Variants in TTLL5 observed in about 807,000 individuals in gnomAD.
TTLL5 encodes tubulin polyglutamylase TTLL5.
TTLL5 carries 132 observed loss-of-function variants against 168.4 expected under a neutral mutation model. That is an observed-to-expected ratio of 0.78 (90% CI 0.68 to 0.91). The LOEUF is 0.91. Among genes scored for constraint, TTLL5 ranks in the 40% least tolerant of loss-of-function variants. TTLL5 has a pLI of 0.00. For synonymous variants in TTLL5, 546 were observed against 558.6 expected (o/e 0.98, Z 0.32); for missense variants, 1,545 against 1,581.5 (o/e 0.98, Z 0.39).
intron 3 of TTLL5, among the ~76,000 whole-genome samples, chr14:75,672,119 A>G (rs1414374892): frequency 1.3e-5 from 2 of 152,148 alleles, no homozygotes; most frequent in Non-Finnish European, 2.9e-5. Context: ...CTGAAATGAT[A>G]TTTCCCCCTT....
chr14:75,862,127 CTTAT>C (rs2030064749), intron 28 of TTLL5, among the ~76,000 whole-genome samples: 2 of 152,306 alleles, frequency 1.3e-5, no homozygotes, highest in Admixed American at 1.3e-4. Context: ...TCGTGACTGA[CTTAT>C]TTCACTTAGC....
intron 30 of TTLL5, among the ~76,000 whole-genome samples, chr14:75,896,939 G>A (rs1222447714): frequency 6.6e-6 from 1 of 152,074 alleles, no homozygotes; most frequent in Non-Finnish European, 1.5e-5. Context: ...TGATGCCAGT[G>A]GAATTCCTAG....
At chr14:75,779,439 C>T in intron 23 of TTLL5, 136 bp from the exon 24 acceptor site, 1 of 1,190,550 alleles carries the variant, frequency 8.4e-7, no homozygotes. Context: ...ATTTTAACCA[C>T]CTATTAATAG....
intron 24 of TTLL5, 123 bp downstream of exon 24, chr14:75,779,825 C>T: frequency 6.0e-6 from 6 of 995,450 alleles, no homozygotes; most frequent in Non-Finnish European, 8.3e-6. Flanking sequence ...TGAGACTTTG[C>T]AGCTTGGGGA....
chr14:75,922,848 C>T (rs1445121434), intron 31 of TTLL5, among the ~76,000 whole-genome samples: 1 of 152,126 alleles, frequency 6.6e-6, no homozygotes, highest in Non-Finnish European at 1.5e-5. Flanking sequence ...GGCTGTGAGT[C>T]CGACAGGTCC....
chr14:75,682,308 A>G (rs1884683249), intron 4 of TTLL5, among the ~76,000 whole-genome samples: 1 of 152,148 alleles, frequency 6.6e-6, no homozygotes, highest in African/African-American at 2.4e-5. Context: ...GACCAGGACA[A>G]GCCCCAAGGA....
chr14:75,774,062 G>A (rs189053077), intron 21 of TTLL5, among the ~76,000 whole-genome samples: 1 of 148,942 alleles, frequency 6.7e-6, no homozygotes, highest in African/African-American at 2.5e-5. Flanking sequence ...TTTGAGGAAG[G>A]TAGATGTAGA....
chr14:75,916,684 T>C (rs1161220761), intron 31 of TTLL5, among the ~76,000 whole-genome samples: 6 of 152,216 alleles, frequency 3.9e-5, no homozygotes, highest in Non-Finnish European at 8.8e-5. Flanking sequence ...AATTTCATTC[T>C]GTGTGCGTAT....
At chr14:75,751,896 G>A (rs983872877) in intron 17 of TTLL5, among the ~76,000 whole-genome samples, 3 of 152,206 alleles carry the variant, frequency 2.0e-5, no homozygotes, top group Non-Finnish European at 2.9e-5. Flanking sequence ...GAGCAGCCCC[G>A]AGGGCCGCTG....
intron 29 of TTLL5, among the ~76,000 whole-genome samples, chr14:75,880,213 C>A (rs558592457): frequency 6.6e-6 from 1 of 151,514 alleles, no homozygotes; most frequent in South Asian, 2.1e-4. Flanking sequence ...TTAAAAAAAA[C>A]AAAAATAGGA....
chr14:75,826,264 A>G (rs1895122475), intron 28 of TTLL5, among the ~76,000 whole-genome samples: 2 of 150,704 alleles, frequency 1.3e-5, no homozygotes, highest in Admixed American at 6.6e-5. Flanking sequence ...AGTATTAATG[A>G]TAAACCACCT....
chr14:75,809,913 C>T (rs759494030), intron 27 of TTLL5, among the ~76,000 whole-genome samples: 2 of 151,998 alleles, frequency 1.3e-5, no homozygotes, highest in Non-Finnish European at 1.5e-5. Context: ...TTTTTGTGGC[C>T]GAACTATATT....
intron 31 of TTLL5, among the ~76,000 whole-genome samples, chr14:75,921,052 G>A (rs917655010): frequency 6.6e-6 from 1 of 152,104 alleles, no homozygotes; most frequent in African/African-American, 2.4e-5. Flanking sequence ...CATATCCTTT[G>A]CCCACTTTTT....
intron 31 of TTLL5, among the ~76,000 whole-genome samples, chr14:75,931,784 C>T (rs1284088757): frequency 6.6e-6 from 1 of 152,242 alleles, no homozygotes; most frequent in Non-Finnish European, 1.5e-5. Flanking sequence ...TCCCAAACTT[C>T]TTCACCATTG....
intron 18 of TTLL5, among the ~76,000 whole-genome samples, chr14:75,754,697 G>A (rs760363875): frequency 5.9e-5 from 9 of 152,138 alleles, no homozygotes; most frequent in Admixed American, 2.0e-4. Flanking sequence ...AATACCTACC[G>A]TAATTTCAAA....
At chr14:75,936,145 GT>G (rs34131661) in intron 31 of TTLL5, among the ~76,000 whole-genome samples, 9 of 148,834 alleles carry the variant, frequency 6.0e-5, no homozygotes, top group East Asian at 2.0e-4. Flanking sequence ...TTTTTACATA[GT>G]TTTTTTTTTC....
At chr14:75,835,719 A>T (rs983984747) in intron 28 of TTLL5, among the ~76,000 whole-genome samples, 1 of 152,220 alleles carries the variant, frequency 6.6e-6, no homozygotes, top group Non-Finnish European at 1.5e-5. Context: ...TAATAATCCA[A>T]TTAAAAATAG....
intron 26 of TTLL5, among the ~76,000 whole-genome samples, chr14:75,785,370 G>A (rs1892306513): frequency 6.6e-6 from 1 of 151,984 alleles, no homozygotes; most frequent in South Asian, 2.1e-4. Flanking sequence ...AGTAGAGGTG[G>A]GGTTTCACCA....
At chr14:75,928,357 A>ATATATATATATATATATATC in intron 31 of TTLL5, among the ~76,000 whole-genome samples, 1 of 128,456 alleles carries the variant, frequency 7.8e-6, no homozygotes, top group South Asian at 2.3e-4. Flanking sequence ...ATATATATAT[A>ATATATATATATATATATATC]TATATATATA....
Sources: allele counts gnomAD v4.1 joint callset (sites outside exome capture counted in the v4.1 genomes callset), GRCh38; gene constraint gnomAD v4.1.1; transcripts MANE v1.5; gene names NCBI Gene and HGNC (gene_info 2026-07-23, HGNC 2026-07-21).